The following COPS4 variants were observed in gnomAD, a reference collection of about 807,000 sequenced individuals.
COPS4 encodes the protein COP9 signalosome subunit 4.
A neutral mutation model predicts 55.1 loss-of-function variants in COPS4; 8 were observed. That is an observed-to-expected ratio of 0.15 (90% confidence interval 0.09 to 0.26). COPS4 has a LOEUF of 0.26. COPS4 is among the 10% of genes least tolerant of loss of function. The pLI is 1.00. For synonymous variants in COPS4, 185 were observed against 165.7 expected (o/e 1.12, Z -0.90); for missense variants, 248 against 484.0 (o/e 0.51, Z 4.58).
intron 7 of COPS4, chr4:83,065,102 TG>T: frequency 1.5e-6 from 1 of 676,324 alleles, no homozygotes; most frequent in East Asian, 2.8e-5. Flanking sequence ...CTTGAACTCC[TG>T]GGCTCAAGCA....
intron 4 of COPS4, among the ~76,000 whole-genome samples, chr4:83,056,682 C>T (rs1158337306): frequency 6.6e-6 from 1 of 152,066 alleles, no homozygotes; most frequent in Admixed American, 6.6e-5. Context: ...GCCTGTAGTC[C>T]CAGCTACTTG....
chr4:83,072,916 A>G (rs578057645), intron 9 of COPS4, among the ~76,000 whole-genome samples: 1 of 151,934 alleles, frequency 6.6e-6, no homozygotes, highest in Non-Finnish European at 1.5e-5. Context: ...GTGGCTTATG[A>G]TTGTGACCCC....
intron 9 of COPS4, among the ~76,000 whole-genome samples, chr4:83,069,478 C>G (rs1257644630): frequency 3.3e-5 from 5 of 152,114 alleles, no homozygotes; most frequent in African/African-American, 1.2e-4. Context: ...CAGGCTGATA[C>G]CTCTCTAAAT....
At chr4:83,073,348 T>C (rs1490925109) in intron 9 of COPS4, 2 of 655,124 alleles carry the variant, frequency 3.1e-6, no homozygotes, top group South Asian at 3.4e-5. Context: ...ATCCATGTCA[T>C]GGCAGGTAAT....
rs549366856 is a variant in COPS4, at chr4:83,046,699, A to C, written c.154+994A>C. Among the ~76,000 whole-genome samples, 7 of 152,376 alleles carry C rather than the reference A, an allele frequency of 4.6e-5. No individual in the cohort carries two copies. The East Asian group carries it at 9.6e-4, about 21-fold the overall frequency. On this transcript the variant is annotated intron_variant, in intron 2 of 9. Transcript: ENST00000264389. Reference sequence around the variant, plus strand: ...ATAGTGAGTTCACATGGAATTTTATAGTGAGTTCACATCATTAATGATATC... The same window carrying C: ...ATAGTGAGTTCACATGGAATTTTATCGTGAGTTCACATCATTAATGATATC...
At chr4:83,064,364 A>G (rs1731245194) in intron 7 of COPS4, among the ~76,000 whole-genome samples, 1 of 152,144 alleles carries the variant, frequency 6.6e-6, no homozygotes. Flanking sequence ...TATATAAAAC[A>G]TAAAAATTAC....
chr4:83,065,388 G>A (rs1731270581), intron 7 of COPS4, among the ~76,000 whole-genome samples: 1 of 152,196 alleles, frequency 6.6e-6, no homozygotes, highest in African/African-American at 2.4e-5. Context: ...AGAAGGAAAA[G>A]AAGGAGGAAG....
Position 83,049,260 on chromosome 4 carries a change from A to G in COPS4, c.249A>G (p.Glu83=), listed in dbSNP as rs781708265. 5 of 1,612,264 alleles carry G rather than the reference A, an allele frequency of 3.1e-6. No homozygotes were observed. The highest frequency in any genetic ancestry group is 3.4e-6 in the Non-Finnish European group (4 of 1,179,440). The change falls in exon 3 of 10, where the codon GAA becomes GAG. Residue 83 remains glutamate, a synonymous_variant. Transcript: ENST00000264389. ...ACTTGCCTGATAGCACAGCCAAAGAAATCTATCACTTCACCTTGGAAAAGA... is the reference window on the plus strand; with the variant it reads ...ACTTGCCTGATAGCACAGCCAAAGAGATCTATCACTTCACCTTGGAAAAGA... ...LPNLPDSTAK[E]IYHFTLEKIQ... is the part of the protein sequence containing the mutation.
At chr4:83,060,602 G>C (rs901514201) in intron 6 of COPS4, among the ~76,000 whole-genome samples, 2 of 151,576 alleles carry the variant, frequency 1.3e-5, no homozygotes, top group African/African-American at 4.8e-5. Flanking sequence ...CACCGTGCCC[G>C]GCCGACAGAT....
chr4:83,038,628 TTTTG>T (rs143836937), intron 1 of COPS4, among the ~76,000 whole-genome samples: 150,427 of 151,680 alleles, frequency 0.99, 74,610 homozygotes, highest in Middle Eastern at 1. Context: ...TACCTGTTTT[TTTTG>T]TTTGTTTGTT....
In COPS4 at chr4:83,035,291, G is replaced by A. The variant is rs1202435909; in HGVS notation, c.67G>A (p.Ala23Thr). The change falls in exon 1 of 10, where the codon GCT (alanine) becomes ACT (threonine). Residue 23 changes from alanine to threonine, a missense_variant. By Grantham distance (58) the Ala-to-Thr change is moderately conservative. This residue lies in a region of COPS4 where 55 missense variants were observed against 62.8 expected (regional missense o/e 0.88). Coordinates refer to ENST00000264389, the MANE Select transcript of COPS4 (RefSeq NM_016129.3). Reference protein sequence around the residue: ...MNSSGSHKDLAGKYRQILEKA... With the variant: ...MNSSGSHKDLTGKYRQILEKA... ...TTCGAGCGGCTCTCATAAAGATCTG[G>A]CTGGCAAGTGAGTATTTCCCAGGAA... is the stretch of plus-strand genomic sequence containing the variant. 2 of 1,559,366 alleles carry A rather than the reference G, an allele frequency of 1.3e-6. No individual in the cohort carries two copies. The highest frequency in any genetic ancestry group is 1.4e-5 in the African/African-American group (1 of 73,650).
chr4:83,070,973 A>T (rs2126135119), intron 9 of COPS4, among the ~76,000 whole-genome samples: 1 of 152,052 alleles, frequency 6.6e-6, no homozygotes, highest in Middle Eastern at 3.4e-3. Flanking sequence ...CCTATCAAAC[A>T]TTCTGAAATA....
chr4:83,045,906 T>G (rs6814011), intron 2 of COPS4, among the ~76,000 whole-genome samples: 151,570 of 152,260 alleles, frequency 1, 75,441 homozygotes, highest in Middle Eastern at 1. Flanking sequence ...GTTTTGTATG[T>G]TTATTGTTAT....
chr4:83,053,829 G>C, intron 4 of COPS4, among the ~76,000 whole-genome samples: 1 of 18,222 alleles, frequency 5.5e-5, no homozygotes, highest in African/African-American at 2.2e-4. Flanking sequence ...GACAGAGTAA[G>C]ACTCTGTCTC....
intron 6 of COPS4, among the ~76,000 whole-genome samples, chr4:83,060,911 G>T (rs1355273284): frequency 6.6e-6 from 1 of 151,752 alleles, no homozygotes; most frequent in East Asian, 2.0e-4. Flanking sequence ...GCATGTGCCT[G>T]TAATCCTAGC....
At chr4:83,041,031 C>G (rs1330400121) in intron 1 of COPS4, among the ~76,000 whole-genome samples, 5 of 149,376 alleles carry the variant, frequency 3.3e-5, no homozygotes, top group Non-Finnish European at 7.4e-5. Context: ...AGTAATAAAA[C>G]TTATTTTCCT....
At chr4:83,056,626 G>A (rs1439962617) in intron 4 of COPS4, among the ~76,000 whole-genome samples, 9 of 151,954 alleles carry the variant, frequency 5.9e-5, no homozygotes, top group Non-Finnish European at 1.3e-4. Context: ...ATGAAACCCC[G>A]TCTCTACTAA....
Position 83,075,591 on chromosome 4 carries a change from T to A in COPS4, c.*161T>A. On this transcript the variant is annotated 3_prime_UTR_variant, in exon 10 of 10. Coordinates refer to ENST00000264389, the MANE Select transcript of COPS4 (RefSeq NM_016129.3). ...TATTAGAGCAGGAAGTACAAGCATT[T>A]AAAATATGTAGTTCCCATATATTTC... The A allele has an allele frequency of 1.5e-6, 1 of 687,102 alleles. No individual in the cohort carries two copies. The highest frequency in any genetic ancestry group is 2.3e-6 in the Non-Finnish European group (1 of 442,162). The allele number at this position is 687,102 out of a possible 1,614,324, so 42.6% of individuals were successfully genotyped here.
At chr4:83,071,561 T>C (rs191531800) in intron 9 of COPS4, among the ~76,000 whole-genome samples, 54 of 152,214 alleles carry the variant, frequency 3.5e-4, no homozygotes, top group African/African-American at 1.2e-3. Flanking sequence ...TAGGAAGGAC[T>C]ACAGGTGTAC....
Sources: allele counts gnomAD v4.1 joint callset (sites outside exome capture counted in the v4.1 genomes callset), GRCh38; gene constraint gnomAD v4.1.1; regional missense constraint gnomAD v4.1.1; transcripts MANE v1.5; gene names NCBI Gene and HGNC (gene_info 2026-07-23, HGNC 2026-07-21).